PPP6R2: variants seen among roughly 807,000 people sequenced by gnomAD.
PPP6R2 encodes serine/threonine-protein phosphatase 6 regulatory subunit 2.
PPP6R2 carries 62 observed loss-of-function variants against 100.2 expected under a neutral mutation model. That is an observed-to-expected ratio of 0.62 (90% CI 0.50 to 0.76). PPP6R2 has a LOEUF of 0.76. Ranked by LOEUF, PPP6R2 falls within the 30% of genes least tolerant of loss-of-function variation. The pLI, the probability that PPP6R2 is intolerant of heterozygous loss-of-function variation, is 0.00. For missense variants in PPP6R2, 1,142 were observed against 1,276.3 expected, an observed-to-expected ratio of 0.89 and a Z score of 1.60; for synonymous variants, 525 against 514.7, an observed-to-expected ratio of 1.02 and a Z score of -0.27.
At chr22:50,414,478 G>T (rs1191225823) in intron 4 of PPP6R2, 74 bp from the exon 5 acceptor site, 16 of 1,529,960 alleles carry the variant, frequency 1.0e-5, no homozygotes, top group Non-Finnish European at 1.2e-5. Flanking sequence ...ACTTTCCCAT[G>T]AGAGTTTTTG....
chr22:50,441,811 C>T (rs1156589627), intron 22 of PPP6R2, among the ~76,000 whole-genome samples: 1 of 152,116 alleles, frequency 6.6e-6, no homozygotes, highest in Non-Finnish European at 1.5e-5. Context: ...TAAACAGATA[C>T]CTCTCTGGCC....
chr22:50,418,075 T>C (rs1242724537), intron 6 of PPP6R2, among the ~76,000 whole-genome samples: 1 of 152,210 alleles, frequency 6.6e-6, no homozygotes, highest in Non-Finnish European at 1.5e-5. Flanking sequence ...TTCATTAGCT[T>C]ACAGGACTCA....
chr22:50,429,052 CAG>C (rs940313954), intron 10 of PPP6R2, among the ~76,000 whole-genome samples: 22 of 149,096 alleles, frequency 1.5e-4, no homozygotes, highest in Admixed American at 6.0e-4. Context: ...TTTTTTGAGA[CAG>C]AGTTTTGCTC....
chr22:50,424,059 C>T (rs990012214), intron 10 of PPP6R2, among the ~76,000 whole-genome samples: 2 of 152,234 alleles, frequency 1.3e-5, no homozygotes, highest in Admixed American at 6.5e-5. Flanking sequence ...ATCCCGCAGA[C>T]GGCTTGCATG....
In PPP6R2 at chr22:50,425,709, G is replaced by C. The variant is rs371578785; in HGVS notation, c.1125+2095G>C. The stretch of plus-strand genomic sequence containing the variant: ...ATGCTCGTCATCTGATGTGCGTGTG[G>C]AACGGTGTCTCCGTGTGGCTGATGC... On this transcript the variant is annotated intron_variant, in intron 10 of 23. Transcript: ENST00000612753. 1.5e-4 allele frequency among the ~76,000 whole-genome samples: 23 copies of C among 152,196 alleles called. No homozygotes were observed. In the East Asian group the frequency reaches 3.5e-3, roughly 23 times the overall value.
chr22:50,392,820 C>T (rs778354309), intron 2 of PPP6R2, among the ~76,000 whole-genome samples: 2 of 152,066 alleles, frequency 1.3e-5, no homozygotes, highest in African/African-American at 2.4e-5. Flanking sequence ...TGGAGGCTCC[C>T]GTGTCAGGGG....
intron 2 of PPP6R2, among the ~76,000 whole-genome samples, chr22:50,377,530 C>G (rs1304067416): frequency 6.6e-6 from 1 of 151,918 alleles, no homozygotes; most frequent in African/African-American, 2.4e-5. Context: ...GAAAACAGGT[C>G]AGAAGGAATT....
Position 50,423,679 on chromosome 22 carries a change from T to G in PPP6R2, c.1125+65T>G. ...GTGCCGGGCATGGCCTGTGGACTTG[T>G]CAGGAGCAGCAGAGCAGGGCCCCAG... On this transcript the variant is annotated intron_variant, in intron 10 of 23. Coordinates refer to ENST00000612753, the MANE Select transcript of PPP6R2 (RefSeq NM_001242898.2). The surrounding 1 kb of genome is among the most constrained non-coding windows in gnomAD (Gnocchi z 4.8). 1 of 1,584,972 alleles carries G rather than the reference T, an allele frequency of 6.3e-7. No individual in the cohort carries two copies. Among genetic ancestry groups the G allele is most frequent in the Non-Finnish European group, 8.6e-7 (1 of 1,159,378 alleles).
In PPP6R2 at chr22:50,429,430, C is replaced by T. The variant is rs114893919; in HGVS notation, c.1126-1743C>T. On this transcript the variant is annotated intron_variant, in intron 10 of 23. Coordinates refer to ENST00000612753, the MANE Select transcript of PPP6R2 (RefSeq NM_001242898.2). ...TGTGGTGTATTGATTGATTTTCATA[C>T]GTCGATCCATCCTTGCATTTGAGGA... 2.9e-3 allele frequency among the ~76,000 whole-genome samples: 443 copies of T among 152,308 alleles called. 2 individuals carry two copies. The highest frequency in any genetic ancestry group is 9.8e-3 in the African/African-American group (407 of 41,556).
intron 8 of PPP6R2, among the ~76,000 whole-genome samples, chr22:50,421,102 C>T (rs1329700207): frequency 2.0e-5 from 3 of 152,220 alleles, no homozygotes; most frequent in Non-Finnish European, 4.4e-5. Context: ...CTCTCTCTCT[C>T]TCTCTGTCTG....
chr22:50,339,719 GGTGTGTGTTGT>G (rs898067141), upstream of PPP6R2, among the ~76,000 whole-genome samples: 1 of 135,848 alleles, frequency 7.4e-6, no homozygotes, highest in Non-Finnish European at 1.6e-5. Flanking sequence ...GTGTGTGTAG[GGTGTGTGTTGT>G]GTGTGTGGTA....
intron 1 of PPP6R2, among the ~76,000 whole-genome samples, chr22:50,361,658 T>C (rs1227943412): frequency 6.6e-6 from 1 of 152,050 alleles, no homozygotes; most frequent in Non-Finnish European, 1.5e-5. Context: ...CAGCCCAGAG[T>C]ATGCCCTGCT....
rs111501477 is a variant in PPP6R2 at position 50,414,785 on chromosome 22, C to T, written c.552+96C>T. On this transcript the variant is annotated intron_variant, in intron 5 of 23. Coordinates refer to ENST00000612753, the MANE Select transcript of PPP6R2 (RefSeq NM_001242898.2). ...AGCTCAGAGCACCAGGGCGCCCGGC[C>T]CCCATCTCTCCACCTAGCGTGCATT... The T allele has an allele frequency of 3.3e-5, 45 of 1,360,530 alleles. No homozygotes were observed. The African/African-American group carries it at 4.5e-4, about 14-fold the overall frequency. 84.3% of individuals were successfully genotyped at this position (1,360,530 alleles called of 1,614,324 possible). A position where few individuals can be genotyped will look rare whatever the true frequency, so the allele number is the denominator to read the frequency against.
chr22:50,370,423 G>A (rs1163312350), intron 1 of PPP6R2, among the ~76,000 whole-genome samples: 1 of 151,660 alleles, frequency 6.6e-6, no homozygotes, highest in Non-Finnish European at 1.5e-5. Flanking sequence ...GAGGAGATGG[G>A]ATTACAGGCG....
rs1189074859 is a variant in PPP6R2, at chr22:50,441,219, G to A, written c.2579+193G>A. 8.5e-6 allele frequency: 5 copies of A among 588,258 alleles called. No individual in the cohort carries two copies. The South Asian group carries it at 1.1e-4, about 13-fold the overall frequency. The allele number at this position is 588,258 out of a possible 1,614,324, so 36.4% of individuals were successfully genotyped here. Reference sequence around the variant, plus strand: ...GTGGTGCCCACGCGTTTACGTGGAGGCCAGATGGGAGAAGTGTGGGGCCTT... The same window carrying A: ...GTGGTGCCCACGCGTTTACGTGGAGACCAGATGGGAGAAGTGTGGGGCCTT... On this transcript the variant is annotated intron_variant, in intron 22 of 23. Transcript: ENST00000612753.
intron 2 of PPP6R2, among the ~76,000 whole-genome samples, chr22:50,384,634 G>A (rs1368489356): frequency 6.6e-6 from 1 of 152,258 alleles, no homozygotes; most frequent in African/African-American, 2.4e-5. Flanking sequence ...TATCTGGTGG[G>A]GGCCTTCTTG....
chr22:50,444,143 G>A (rs201106463), intron 23 of PPP6R2, 26 bp downstream of exon 23: 5 of 1,611,946 alleles, frequency 3.1e-6, no homozygotes, highest in Non-Finnish European at 4.2e-6. Context: ...GTGGGGGTAG[G>A]GGGTGTGGAC....
intron 1 of PPP6R2, among the ~76,000 whole-genome samples, chr22:50,353,405 G>A (rs947161845): frequency 2.0e-5 from 3 of 152,172 alleles, no homozygotes; most frequent in African/African-American, 7.2e-5. Context: ...TGGCCGGTCA[G>A]AACTTACGCA....
At chr22:50,339,498 GTGT>G (rs2042344029), upstream of PPP6R2, among the ~76,000 whole-genome samples, 1 of 141,222 alleles carries the variant, frequency 7.1e-6, no homozygotes. Flanking sequence ...TATAGGGTGT[GTGT>G]TGTGTGTGTG....
Sources: allele counts gnomAD v4.1 joint callset (sites outside exome capture counted in the v4.1 genomes callset), GRCh38; gene constraint gnomAD v4.1.1; non-coding constraint Gnocchi (gnomAD v3.1); transcripts MANE v1.5; gene names NCBI Gene and HGNC (gene_info 2026-07-23, HGNC 2026-07-21).